The following ZNF521 variants were observed in gnomAD, a reference collection of about 807,000 sequenced individuals.
The protein encoded by ZNF521 is LYST-interacting protein 3.
In ZNF521, 14 loss-of-function variants were observed where a neutral mutation model predicts 105.5. That is an observed-to-expected ratio of 0.13 (90% CI 0.09 to 0.21). The LOEUF (loss-of-function observed/expected upper bound fraction) is 0.21, where lower values mean the gene tolerates loss of function less well. ZNF521 is among the 10% of genes least tolerant of loss of function. The pLI, the probability that ZNF521 is intolerant of heterozygous loss-of-function variation, is 1.00. For synonymous variants in ZNF521, 635 were observed against 606.0 expected, an observed-to-expected ratio of 1.05 and a Z score of -0.70; for missense variants, 1,233 against 1,629.7, an observed-to-expected ratio of 0.76 and a Z score of 4.19.
Position 25,089,597 on chromosome 18 carries a change from AT to A in ZNF521, c.3791-18del, listed in dbSNP as rs745859118. 1.3e-6 allele frequency: 2 copies of A among 1,599,352 alleles called. No individual in the cohort carries two copies. Among genetic ancestry groups the A allele is most frequent in the East Asian group, 4.5e-5 (2 of 44,796 alleles). On this transcript the variant is annotated intron_variant, in intron 6 of 7. Transcript: ENST00000361524. ...GAACAAATACTGAAATGATAAAAGA[AT>A]GATGAACTTGGGTTATTTTGTTTCC...
intron 5 of ZNF521, among the ~76,000 whole-genome samples, chr18:25,114,412 T>A (rs956513046): frequency 7.2e-5 from 11 of 152,198 alleles, no homozygotes; most frequent in Admixed American, 5.9e-4. Context: ...TCTATATTTT[T>A]AAAAATTACA....
Position 25,207,508 on chromosome 18 carries a change from G to A in ZNF521, c.3574-12264C>T, listed in dbSNP as rs927736217. On this transcript the variant is annotated intron_variant, in intron 4 of 7. Coordinates refer to ENST00000361524, the MANE Select transcript of ZNF521 (RefSeq NM_015461.3). Reference sequence around the variant, plus strand: ...TCATTTCCCAGTGTACACTTTCAGCGCATAGAATGTGCATATTATATTCAA... The same window carrying A: ...TCATTTCCCAGTGTACACTTTCAGCACATAGAATGTGCATATTATATTCAA... 3.9e-5 allele frequency among the ~76,000 whole-genome samples: 6 copies of A among 152,090 alleles called. No homozygotes were observed. The East Asian group carries it at 5.8e-4, about 15-fold the overall frequency.
intron 5 of ZNF521, among the ~76,000 whole-genome samples, chr18:25,154,041 T>TG (rs1378742602): frequency 6.6e-6 from 1 of 152,236 alleles, no homozygotes; most frequent in Admixed American, 6.5e-5. Flanking sequence ...TTCTGTGTTC[T>TG]GTGTCCATTC....
chr18:25,271,217 A>T (rs1909636191), intron 3 of ZNF521, among the ~76,000 whole-genome samples: 1 of 152,188 alleles, frequency 6.6e-6, no homozygotes. Context: ...CTTACAAGGG[A>T]TGTGAAGGAC....
chr18:25,349,266 C>T (rs1914596069), intron 2 of ZNF521, among the ~76,000 whole-genome samples: 1 of 152,162 alleles, frequency 6.6e-6, no homozygotes, highest in Non-Finnish European at 1.5e-5. Context: ...GTCTCGCCGG[C>T]GCGAGCCTGG....
In ZNF521 at chr18:25,158,522, A is replaced by T. The variant is rs567390681; in HGVS notation, c.3658+36638T>A. Among the ~76,000 whole-genome samples, 4 of 152,274 alleles carry T rather than the reference A, an allele frequency of 2.6e-5. No homozygotes were observed. In the East Asian group the frequency reaches 7.7e-4, roughly 29 times the overall value. ...TATTGTTATTCTCTGATTTTTAGGGAAGAAATCTTCAAAGGAAAAGGAAAC... is the reference window on the plus strand; with the variant it reads ...TATTGTTATTCTCTGATTTTTAGGGTAGAAATCTTCAAAGGAAAAGGAAAC... On this transcript the variant is annotated intron_variant, in intron 5 of 7. Coordinates refer to ENST00000361524, the MANE Select transcript of ZNF521 (RefSeq NM_015461.3).
At chr18:25,241,487 G>A (rs1016980090) in intron 3 of ZNF521, among the ~76,000 whole-genome samples, 3 of 151,938 alleles carry the variant, frequency 2.0e-5, no homozygotes, top group African/African-American at 4.8e-5. Context: ...AAACATGCTC[G>A]CTGATTTTTT....
intron 4 of ZNF521, among the ~76,000 whole-genome samples, chr18:25,204,585 A>G (rs2036046803): frequency 6.6e-6 from 1 of 152,222 alleles, no homozygotes; most frequent in African/African-American, 2.4e-5. Context: ...TAAAATTAAT[A>G]AAGAACAACA....
intron 3 of ZNF521, among the ~76,000 whole-genome samples, chr18:25,257,298 G>C (rs1192649847): frequency 6.6e-6 from 1 of 152,028 alleles, no homozygotes; most frequent in East Asian, 1.9e-4. Context: ...CAATTTACTT[G>C]TCATGATGGG....
intron 2 of ZNF521, among the ~76,000 whole-genome samples, chr18:25,350,401 G>T (rs1475128986): frequency 6.6e-6 from 1 of 152,076 alleles, no homozygotes; most frequent in Non-Finnish European, 1.5e-5. Flanking sequence ...CGGGCGGGAG[G>T]CGGCGGCCGG....
At chr18:25,139,623 C>T (rs1187728828) in intron 5 of ZNF521, among the ~76,000 whole-genome samples, 1 of 152,026 alleles carries the variant, frequency 6.6e-6, no homozygotes, top group Non-Finnish European at 1.5e-5. Flanking sequence ...ACCTGACCTG[C>T]CCATTATTAC....
intron 5 of ZNF521, among the ~76,000 whole-genome samples, chr18:25,135,076 A>G (rs2034707857): frequency 1.3e-5 from 2 of 152,110 alleles, no homozygotes; most frequent in Admixed American, 1.3e-4. Flanking sequence ...AAAATTATAC[A>G]GTGGGGAATT....
intron 5 of ZNF521, among the ~76,000 whole-genome samples, chr18:25,184,882 T>C (rs1293456082): frequency 6.6e-6 from 1 of 152,206 alleles, no homozygotes; most frequent in Non-Finnish European, 1.5e-5. Flanking sequence ...ATCCCTTGGT[T>C]AAAAGCTTGT....
intron 5 of ZNF521, among the ~76,000 whole-genome samples, chr18:25,180,019 A>G (rs563021306): frequency 6.6e-6 from 1 of 152,364 alleles, no homozygotes; most frequent in African/African-American, 2.4e-5. Context: ...AGTTTACTAT[A>G]TAACATAGTA....
chr18:25,242,145 T>C (rs1032572508), intron 3 of ZNF521, among the ~76,000 whole-genome samples: 25 of 152,176 alleles, frequency 1.6e-4, no homozygotes, highest in Non-Finnish European at 2.6e-4. Context: ...CAAATTGCCT[T>C]TTTCCTATTA....
At chr18:25,076,540 T>C (rs1443281268) in intron 7 of ZNF521, among the ~76,000 whole-genome samples, 1 of 152,222 alleles carries the variant, frequency 6.6e-6, no homozygotes, top group Non-Finnish European at 1.5e-5. Flanking sequence ...AATAATGCAA[T>C]ATTTTGGTGA....
At chr18:25,103,449 T>G (rs1254887905) in intron 5 of ZNF521, among the ~76,000 whole-genome samples, 1 of 152,166 alleles carries the variant, frequency 6.6e-6, no homozygotes, top group East Asian at 1.9e-4. Flanking sequence ...TTCCCCGATA[T>G]AGTGTTAAAT....
At chr18:25,100,028 T>C (rs2033935684) in intron 5 of ZNF521, among the ~76,000 whole-genome samples, 1 of 151,988 alleles carries the variant, frequency 6.6e-6, no homozygotes, top group Non-Finnish European at 1.5e-5. Context: ...TCATCAGGCA[T>C]GTTTTCCTGT....
intron 3 of ZNF521, among the ~76,000 whole-genome samples, chr18:25,321,723 T>C (rs568201073): frequency 6.6e-6 from 1 of 152,308 alleles, no homozygotes; most frequent in Non-Finnish European, 1.5e-5. Context: ...AGTCATCCAA[T>C]ATTCATGTTC....
Sources: gnomAD v4.1 joint callset for allele counts (sites outside exome capture counted in the v4.1 genomes callset) on GRCh38, gnomAD v4.1.1 for gene constraint, MANE v1.5 for transcripts, NCBI Gene and HGNC (gene_info 2026-07-23, HGNC 2026-07-21) for gene names.